Variants in SLMAP observed in about 807,000 individuals in gnomAD.
The protein encoded by SLMAP is sarcolemma associated protein.
A neutral mutation model predicts 128.8 loss-of-function variants in SLMAP; 44 were observed. The observed-to-expected ratio is 0.34, with a 90% CI of 0.27 to 0.44. SLMAP has a LOEUF of 0.44. SLMAP is among the 20% of genes least tolerant of loss of function. The probability of loss-of-function intolerance (pLI) is 1.00; values close to 1 mark genes in which losing one functional copy is unlikely to be tolerated. For missense variants in SLMAP, 787 were observed against 985.3 expected, an observed-to-expected ratio of 0.80 and a Z score of 2.69; for synonymous variants, 327 against 348.8, an observed-to-expected ratio of 0.94 and a Z score of 0.70.
intron 3 of SLMAP, among the ~76,000 whole-genome samples, chr3:57,838,386 A>G (rs1357232429): frequency 6.6e-6 from 1 of 152,230 alleles, no homozygotes; most frequent in East Asian, 1.9e-4. Flanking sequence ...CTAATGTCTT[A>G]AAAGTAAGAA....
intron 2 of SLMAP, chr3:57,799,936 C>T (rs2087800297): frequency 6.6e-6 from 1 of 152,082 alleles, no homozygotes; most frequent in Non-Finnish European, 1.5e-5. Context: ...ACTCTGGAGG[C>T]TATGGCAGGG....
chr3:57,815,031 A>G lies in SLMAP; in HGVS notation c.199-16352A>G, dbSNP rs114536875. 2.9e-3 allele frequency among the ~76,000 whole-genome samples: 434 copies of G among 152,172 alleles called. 3 individuals are homozygous for G. Among genetic ancestry groups the G allele is most frequent in the African/African-American group, 1.0e-2 (415 of 41,518 alleles). ...GGATTCCCTAATCCAGCAGTCTCCA[A>G]CCTTTTTGGCACCGAGGACTGGTTT... On this transcript the variant is annotated intron_variant, in intron 2 of 24. Coordinates refer to ENST00000671191, the MANE Select transcript of SLMAP (RefSeq NM_001377540.1).
At chr3:57,835,631 A>G (rs1196855497) in intron 3 of SLMAP, among the ~76,000 whole-genome samples, 1 of 152,184 alleles carries the variant, frequency 6.6e-6, no homozygotes, top group East Asian at 1.9e-4. Context: ...AGATACTGAA[A>G]AGGCATTTGA....
At chr3:57,817,883 C>T (rs1431772008) in intron 2 of SLMAP, among the ~76,000 whole-genome samples, 2 of 152,180 alleles carry the variant, frequency 1.3e-5, no homozygotes, top group Non-Finnish European at 2.9e-5. Flanking sequence ...GATGATTTGG[C>T]ATCAGAAGGT....
intron 2 of SLMAP, among the ~76,000 whole-genome samples, chr3:57,763,192 T>G (rs1272086297): frequency 6.6e-6 from 1 of 152,150 alleles, no homozygotes; most frequent in African/African-American, 2.4e-5. Context: ...GACATAGTAG[T>G]CTATTTCCAG....
At position 57,793,247 on chromosome 3, in the gene SLMAP, T is replaced by C. The variant is rs1170063411; in HGVS notation, c.198+35398T>C. Among the ~76,000 whole-genome samples, 4 of 152,288 alleles carry C rather than the reference T, an allele frequency of 2.6e-5. No homozygotes were observed. In the East Asian group the frequency reaches 5.8e-4, roughly 22 times the overall value. ...CTGTAGGCTTCTTATGTCCTTCCAG[T>C]TTTTGAGGTTAATTCTTTTCTTCCC... On this transcript the variant is annotated intron_variant, in intron 2 of 24. Transcript: ENST00000671191.
At chr3:57,810,987 C>T (rs1341497529) in intron 2 of SLMAP, among the ~76,000 whole-genome samples, 1 of 152,080 alleles carries the variant, frequency 6.6e-6, no homozygotes, top group Non-Finnish European at 1.5e-5. Context: ...TATATGCTGA[C>T]GACAGCTTAA....
Position 57,757,912 on chromosome 3 carries a change from C to G in SLMAP, c.198+63C>G, listed in dbSNP as rs201466348. The G allele has an allele frequency of 1.3e-5, 19 of 1,412,942 alleles. No homozygotes were observed. In the East Asian group the frequency reaches 4.2e-4, roughly 31 times the overall value. The allele number at this position is 1,412,942 out of a possible 1,614,324, so 87.5% of individuals were successfully genotyped here. ...AACTTTTTTTCCCCTTTTGCCCTCC[C>G]TGAGAGGACTAATGTATGCAGGATC... On this transcript the variant is annotated intron_variant, in intron 2 of 24. Coordinates refer to ENST00000671191, the MANE Select transcript of SLMAP (RefSeq NM_001377540.1).
At chr3:57,924,347 C>G (rs1045116354) in intron 23 of SLMAP, among the ~76,000 whole-genome samples, 4 of 151,524 alleles carry the variant, frequency 2.6e-5, no homozygotes, top group Non-Finnish European at 4.4e-5. Context: ...AGCCCTGAGA[C>G]TCAGCTGCCT....
chr3:57,867,524 G>A (rs1359804475), intron 13 of SLMAP, among the ~76,000 whole-genome samples: 1 of 151,990 alleles, frequency 6.6e-6, no homozygotes, highest in Non-Finnish European at 1.5e-5. Context: ...CTTTTTTGGT[G>A]GTGATATATT....
intron 3 of SLMAP, among the ~76,000 whole-genome samples, chr3:57,839,532 C>A (rs993014386): frequency 5.3e-5 from 8 of 150,860 alleles, no homozygotes; most frequent in African/African-American, 2.0e-4. Flanking sequence ...CTTTCGCCTC[C>A]CAGGTTCAAG....
At chr3:57,843,775 C>CTTTTTTTT (rs775541858) in intron 4 of SLMAP, among the ~76,000 whole-genome samples, 85 of 77,134 alleles carry the variant, frequency 1.1e-3, no homozygotes, top group East Asian at 1.8e-3. Context: ...TCTTTTCTTT[C>CTTTTTTTT]TTTTTTTTTT....
intron 6 of SLMAP, among the ~76,000 whole-genome samples, chr3:57,852,578 A>C (rs1429170550): frequency 6.6e-6 from 1 of 152,358 alleles, no homozygotes; most frequent in East Asian, 1.9e-4. Context: ...AGTTCCTGGC[A>C]CATAGAATGT....
At chr3:57,808,970 T>C (rs946226862) in intron 2 of SLMAP, among the ~76,000 whole-genome samples, 7 of 152,258 alleles carry the variant, frequency 4.6e-5, no homozygotes, top group Non-Finnish European at 7.3e-5. Flanking sequence ...TTAGGATAGC[T>C]AGCTCTTCTT....
At chr3:57,775,322 G>T (rs564597713) in intron 2 of SLMAP, among the ~76,000 whole-genome samples, 4 of 152,088 alleles carry the variant, frequency 2.6e-5, no homozygotes, top group African/African-American at 9.6e-5. Context: ...GATTACAGGC[G>T]TGGGCCACCG....
At chr3:57,925,816 A>G in intron 23 of SLMAP, 29 bp from the exon 24 acceptor site, 2 of 1,483,528 alleles carry the variant, frequency 1.3e-6, no homozygotes, top group Non-Finnish European at 1.8e-6. Context: ...ATAGCATAAA[A>G]TGATTTTAAT....
In SLMAP at chr3:57,929,976, C is replaced by T. The variant is rs543292100; in HGVS notation, c.*2687C>T. On this transcript the variant is annotated 3_prime_UTR_variant, in exon 25 of 25. Transcript: ENST00000671191. ...TTAGGTAAGCCTAAACTTTAATCTA[C>T]TTTAATTAAATGAATTGATTGACTC... Among the ~76,000 whole-genome samples, 10 of 152,296 alleles carry T rather than the reference C, an allele frequency of 6.6e-5. No homozygotes were observed. In the East Asian group the frequency reaches 1.9e-3, roughly 29 times the overall value.
intron 2 of SLMAP, among the ~76,000 whole-genome samples, chr3:57,809,368 C>T (rs1222967110): frequency 6.6e-6 from 1 of 152,238 alleles, no homozygotes; most frequent in Non-Finnish European, 1.5e-5. Flanking sequence ...GGTGCTGTCA[C>T]AGACCAGCCA....
chr3:57,853,956 TATA>T (rs1353052774), intron 6 of SLMAP, among the ~76,000 whole-genome samples: 39 of 12,672 alleles, frequency 3.1e-3, no homozygotes, highest in African/African-American at 0.014. Flanking sequence ...AAAAAAAAAT[TATA>T]TATATATATA....
Sources: gnomAD v4.1 joint callset for allele counts (sites outside exome capture counted in the v4.1 genomes callset) on GRCh38, gnomAD v4.1.1 for gene constraint, MANE v1.5 for transcripts, NCBI Gene and HGNC (gene_info 2026-07-23, HGNC 2026-07-21) for gene names.